The following PPARA variants were observed in gnomAD, a reference collection of about 807,000 sequenced individuals.
PPARA encodes peroxisome proliferator activated receptor alpha, also known as peroxisome proliferator-activated receptor alpha.
Under a neutral mutation model 42.2 loss-of-function variants are expected in PPARA, and 22 were observed. The ratio of observed to expected loss-of-function variants is 0.52; its 90% CI spans 0.37 to 0.74. PPARA has a LOEUF of 0.74. Among genes scored for constraint, PPARA ranks in the 30% least tolerant of loss-of-function variants. The pLI, the probability that PPARA is intolerant of heterozygous loss-of-function variation, is 0.00. For synonymous variants in PPARA, 242 were observed against 239.3 expected (o/e 1.01, Z -0.10); for missense variants, 465 against 608.2 (o/e 0.76, Z 2.48).
rs1926151638 is a variant in PPARA at position 46,161,438 on chromosome 22, A to G, written c.-127+9468A>G. On this transcript the variant is annotated intron_variant, in intron 2 of 8. Coordinates refer to ENST00000407236, the MANE Select transcript of PPARA (RefSeq NM_005036.6). This position sits in a 1 kb window ranked among gnomAD's most constrained non-coding sequence, Gnocchi z 4.8. ...AAACCCCGTCTCTACTAAAAATACA[A>G]AATTTAGCTGGGCATGGTATGGCTG... Among the ~76,000 whole-genome samples the G allele has an allele frequency of 6.6e-6, 1 of 152,052 alleles. No individual in the cohort carries two copies. The highest frequency in any genetic ancestry group is 2.4e-5 in the African/African-American group (1 of 41,420).
Position 46,190,966 on chromosome 22 carries a change from G to A in PPARA, c.-42-7376G>A, listed in dbSNP as rs137967965. The stretch of plus-strand genomic sequence containing the variant: ...AGCACTTTGGGAGGCCGAGGTGGGC[G>A]GATTACCTGAGGTCAGGTGTTCAAA... On this transcript the variant is annotated intron_variant, in intron 3 of 8. Transcript: ENST00000407236. The surrounding 1 kb of genome is among the most constrained non-coding windows in gnomAD (Gnocchi z 5.6). Among the ~76,000 whole-genome samples, 683 of 152,172 alleles carry A rather than the reference G, an allele frequency of 4.5e-3. 6 individuals carry two copies. The highest frequency in any genetic ancestry group is 0.016 in the African/African-American group (649 of 41,492).
rs1936052202 is a variant in PPARA at position 46,233,894 on chromosome 22, G to A, written c.1160-1239G>A. The stretch of plus-strand genomic sequence containing the variant: ...GCTGGAGTGCAGTGGCACGATCTCA[G>A]GTCACTGCAACTTCCGCCTCCTGGG... On this transcript the variant is annotated intron_variant, in intron 8 of 8. Coordinates refer to ENST00000407236, the MANE Select transcript of PPARA (RefSeq NM_005036.6). The surrounding 1 kb of genome is among the most constrained non-coding windows in gnomAD (Gnocchi z 7.3). Among the ~76,000 whole-genome samples, 1 of 151,754 alleles carries A rather than the reference G, an allele frequency of 6.6e-6. No individual in the cohort carries two copies. Among genetic ancestry groups the A allele is most frequent in the Non-Finnish European group, 1.5e-5 (1 of 67,992 alleles).
rs1930922247 is a variant in PPARA at position 46,187,079 on chromosome 22, T to A, written c.-43+10243T>A. On this transcript the variant is annotated intron_variant, in intron 3 of 8. Coordinates refer to ENST00000407236, the MANE Select transcript of PPARA (RefSeq NM_005036.6). This position sits in a 1 kb window ranked among gnomAD's most constrained non-coding sequence, Gnocchi z 4.9. ...GGGATATCTACTGTATAAGGTGGAG[T>A]TTTCAAGGTCATAGCACTGCCTTCC... is the stretch of plus-strand genomic sequence containing the variant. Among the ~76,000 whole-genome samples the A allele has an allele frequency of 6.7e-6, 1 of 150,268 alleles. No individual in the cohort carries two copies. Among genetic ancestry groups the A allele is most frequent in the Admixed American group, 6.6e-5 (1 of 15,080 alleles).
intron 4 of PPARA, 89 bp from the exon 5 acceptor site, chr22:46,215,084 C>G: frequency 1.3e-6 from 2 of 1,516,288 alleles, no homozygotes; most frequent in African/African-American, 1.4e-5. Context: ...CTAGAAGCCT[C>G]GTATGCGAAA....
At chr22:46,205,540 ATATATATATATATATTTTTTTTTT>A (rs1933177912) in intron 4 of PPARA, among the ~76,000 whole-genome samples, 1 of 28,058 alleles carries the variant, frequency 3.6e-5, no homozygotes, top group African/African-American at 1.8e-4. Context: ...ATATATATAT[ATATATATATATATATTTTTTTTTT>A]TTTTTTTTTT....
At position 46,242,214 on chromosome 22, in the gene PPARA, G is replaced by A. The variant is rs989658749; in HGVS notation, c.*6834G>A. ...CCTAGGAAAAGTGGTGACCGGGCGT[G>A]GGGGGGCATGCCGCAGCCCTGGGAC... On this transcript the variant is annotated 3_prime_UTR_variant, in exon 9 of 9. Transcript: ENST00000407236. The surrounding 1 kb of genome is among the most constrained non-coding windows in gnomAD (Gnocchi z 6.1). The A allele has an allele frequency of 1.3e-5, 2 of 152,342 alleles. No individual in the cohort carries two copies. The highest frequency in any genetic ancestry group is 6.6e-5 in the Admixed American group (1 of 15,262). The allele number at this position is 152,342 out of a possible 1,614,324, so 9.4% of individuals were successfully genotyped here. A position where few individuals can be genotyped will look rare whatever the true frequency, so the allele number is the denominator to read the frequency against.
At position 46,199,458 on chromosome 22, in the gene PPARA, C is replaced by G. The variant is rs1192330192; in HGVS notation, c.208+867C>G. Among the ~76,000 whole-genome samples the G allele has an allele frequency of 2.0e-5, 3 of 151,920 alleles. No homozygotes were observed. In the East Asian group the frequency reaches 5.8e-4, roughly 29 times the overall value. On this transcript the variant is annotated intron_variant, in intron 4 of 8. Transcript: ENST00000407236. The stretch of plus-strand genomic sequence containing the variant: ...GACCAGCCTGACCAACATGGTGAGG[C>G]CCCATCTATACAAAAAAAATTTAAA...
intron 3 of PPARA, among the ~76,000 whole-genome samples, chr22:46,185,146 G>C (rs1021961232): frequency 6.6e-6 from 1 of 152,092 alleles, no homozygotes; most frequent in Non-Finnish European, 1.5e-5. Flanking sequence ...GTTGAGTTTT[G>C]TCTCCTGGAC....
chr22:46,179,378 A>G (rs1357674752), intron 3 of PPARA, among the ~76,000 whole-genome samples: 2 of 152,234 alleles, frequency 1.3e-5, no homozygotes, highest in East Asian at 3.8e-4. Context: ...GTAGATGCAG[A>G]AAAGCAGTTG....
chr22:46,181,165 G>C (rs1197077612), intron 3 of PPARA, among the ~76,000 whole-genome samples: 1 of 152,172 alleles, frequency 6.6e-6, no homozygotes, highest in Non-Finnish European at 1.5e-5. Context: ...AGTTGGTCAG[G>C]AAAGAAACTG....
At position 46,198,434 on chromosome 22, in the gene PPARA, C is replaced by A; in HGVS notation, c.51C>A (p.Gly17=). 2 of 1,613,762 alleles carry A rather than the reference C, an allele frequency of 1.2e-6. No homozygotes were observed. Among genetic ancestry groups the A allele is most frequent in the Non-Finnish European group, 1.7e-6 (2 of 1,179,910 alleles). ...PLCPLSPLEA[G]DLESPLSEEF... ...GCCCCCTCTCCCCACTCGAGGCCGGCGATCTAGAGAGCCCGTTATCTGAAG... is the reference window on the plus strand; with the variant it reads ...GCCCCCTCTCCCCACTCGAGGCCGGAGATCTAGAGAGCCCGTTATCTGAAG... Residue 17 remains glycine (G), a synonymous_variant, in exon 4 of 9, where the codon GGC becomes GGA. Coordinates refer to ENST00000407236, the MANE Select transcript of PPARA (RefSeq NM_005036.6).
In PPARA at chr22:46,211,214, G is replaced by A. The variant is rs1391085552; in HGVS notation, c.209-3959G>A. On this transcript the variant is annotated intron_variant, in intron 4 of 8. Coordinates refer to ENST00000407236, the MANE Select transcript of PPARA (RefSeq NM_005036.6). The surrounding 1 kb of genome is among the most constrained non-coding windows in gnomAD (Gnocchi z 4.1). ...TGTAGCTGTATGAAGCCAAACATGA[G>A]TGTGTGCTGATGTCTCCAGCCCTCA... Among the ~76,000 whole-genome samples the A allele has an allele frequency of 2.0e-5, 3 of 152,180 alleles. No individual in the cohort carries two copies. The highest frequency in any genetic ancestry group is 6.6e-5 in the Admixed American group (1 of 15,260).
At chr22:46,220,268 T>TA (rs546890016) in intron 7 of PPARA, 33 of 518,546 alleles carry the variant, frequency 6.4e-5, no homozygotes, top group East Asian at 7.3e-5. Flanking sequence ...TTAATACACT[T>TA]AAAAAAAACC....
chr22:46,216,265 C>T lies in PPARA; in HGVS notation c.369+932C>T, dbSNP rs1934477353. Reference sequence around the variant, plus strand: ...AGGTGTGGTGGTGGGTGCCTGTAATCCCAGCTACTTGGGAGGCTGAAGCAG... The same window carrying T: ...AGGTGTGGTGGTGGGTGCCTGTAATTCCAGCTACTTGGGAGGCTGAAGCAG... On this transcript the variant is annotated intron_variant, in intron 5 of 8. Coordinates refer to ENST00000407236, the MANE Select transcript of PPARA (RefSeq NM_005036.6). This position sits in a 1 kb window ranked among gnomAD's most constrained non-coding sequence, Gnocchi z 4.5. Among the ~76,000 whole-genome samples, 1 of 151,864 alleles carries T rather than the reference C, an allele frequency of 6.6e-6. No homozygotes were observed. The highest frequency in any genetic ancestry group is 1.5e-5 in the Non-Finnish European group (1 of 67,960).
chr22:46,173,763 C>T lies in PPARA; in HGVS notation c.-126-2990C>T, dbSNP rs944884661. On this transcript the variant is annotated intron_variant, in intron 2 of 8. Transcript: ENST00000407236. The surrounding 1 kb of genome is among the most constrained non-coding windows in gnomAD (Gnocchi z 4.3). ...GATTGAACTGTATCTGTTAAATTAA[C>T]AGAAGCGAAGTGTTCTGTGGTGTGT... Among the ~76,000 whole-genome samples the T allele has an allele frequency of 1.3e-5, 2 of 152,166 alleles. No homozygotes were observed. Among genetic ancestry groups the T allele is most frequent in the Non-Finnish European group, 2.9e-5 (2 of 68,030 alleles).
chr22:46,208,149 A>G (rs1933573761), intron 4 of PPARA, among the ~76,000 whole-genome samples: 2 of 152,088 alleles, frequency 1.3e-5, no homozygotes, highest in Admixed American at 1.3e-4. Flanking sequence ...TTGTATTTTT[A>G]TGGGGCACAA....
At position 46,182,329 on chromosome 22, in the gene PPARA, T is replaced by C. The variant is rs1930084034; in HGVS notation, c.-43+5493T>C. On this transcript the variant is annotated intron_variant, in intron 3 of 8. Transcript: ENST00000407236. This position sits in a 1 kb window ranked among gnomAD's most constrained non-coding sequence, Gnocchi z 5.2. ...TTCAGATGCCATTAATAGGTGAATA[T>C]ATTCTCAAACTGTGGTTATCCATAC... Among the ~76,000 whole-genome samples, 1 of 152,238 alleles carries C rather than the reference T, an allele frequency of 6.6e-6. No homozygotes were observed. Among genetic ancestry groups the C allele is most frequent in the Non-Finnish European group, 1.5e-5 (1 of 68,052 alleles).
At chr22:46,226,557 T>G (rs538310507) in intron 7 of PPARA, among the ~76,000 whole-genome samples, 1 of 152,186 alleles carries the variant, frequency 6.6e-6, no homozygotes, top group Non-Finnish European at 1.5e-5. Context: ...ATAGCTTCAG[T>G]TATGGAAGAT....
rs1419662675 is a variant in PPARA, at chr22:46,239,823, CT to C, written c.*4444del. 1.5e-5 allele frequency: 3 copies of C among 198,502 alleles called. No homozygotes were observed. Among genetic ancestry groups the C allele is most frequent in the Non-Finnish European group, 3.0e-5 (3 of 99,186 alleles). 12.3% of individuals were successfully genotyped at this position (198,502 alleles called of 1,614,324 possible). A position where few individuals can be genotyped will look rare whatever the true frequency, so the allele number is the denominator to read the frequency against. On this transcript the variant is annotated 3_prime_UTR_variant, in exon 9 of 9. Transcript: ENST00000407236. The stretch of plus-strand genomic sequence containing the variant: ...CTCCTCTGAACTTGCACCTGGGCCT[CT>C]CTGTGTTTGGTTCCAAGCACTTCCC...
Sources: gnomAD v4.1 joint callset for allele counts (sites outside exome capture counted in the v4.1 genomes callset) on GRCh38, gnomAD v4.1.1 for gene constraint, Gnocchi (gnomAD v3.1) non-coding constraint, MANE v1.5 for transcripts, NCBI Gene and HGNC (gene_info 2026-07-23, HGNC 2026-07-21) for gene names.